The following PTPRF variants were observed in gnomAD, a reference collection of about 807,000 sequenced individuals.
PTPRF encodes the protein protein tyrosine phosphatase receptor type F, also known as receptor-type tyrosine-protein phosphatase F.
In PTPRF, 59 loss-of-function variants were observed where a neutral mutation model predicts 201.8. That is an observed-to-expected ratio of 0.29 (90% CI 0.24 to 0.36). PTPRF has a LOEUF of 0.36. Among genes scored for constraint, PTPRF ranks in the 10% least tolerant of loss-of-function variants. PTPRF has a pLI of 1.00. For missense variants in PTPRF, 2,132 were observed against 2,690.5 expected (o/e 0.79, Z 4.59); for synonymous variants, 1,088 against 1,089.7 (o/e 1.00, Z 0.03).
At chr1:43,608,831 C>T (rs539313039) in intron 21 of PTPRF, among the ~76,000 whole-genome samples, 1 of 152,312 alleles carries the variant, frequency 6.6e-6, no homozygotes, top group African/African-American at 2.4e-5. Flanking sequence ...CAGCTGAATC[C>T]TATGGTCTGT....
chr1:43,598,893 GTCA>G lies in PTPRF; in HGVS notation c.2295_2297del (p.Met766del), dbSNP rs1252793601. On this transcript the variant is annotated inframe_deletion, in exon 13 of 34. Transcript: ENST00000359947. ...CCGTGGACTCCCCATCATCCAAGAC[GTCA>G]TGCTAGCCGAGGCCCAGGTGCAGCA... 13 of 1,613,744 alleles carry G rather than the reference GTCA, an allele frequency of 8.1e-6. No individual in the cohort carries two copies. The highest frequency in any genetic ancestry group is 5.3e-5 in the African/African-American group (4 of 74,926).
At chr1:43,559,589 C>T (rs1645644142) in intron 5 of PTPRF, among the ~76,000 whole-genome samples, 1 of 150,902 alleles carries the variant, frequency 6.6e-6, no homozygotes, top group East Asian at 2.0e-4. Flanking sequence ...GTGCAGCAGG[C>T]GTGTGTGTGT....
At chr1:43,533,490 G>A (rs1018944665) in intron 1 of PTPRF, among the ~76,000 whole-genome samples, 6 of 152,080 alleles carry the variant, frequency 3.9e-5, no homozygotes, top group African/African-American at 1.2e-4. Flanking sequence ...CCCTGGGGGC[G>A]GGGAGGAGGG....
rs907234062 is a variant in PTPRF, at chr1:43,545,041, C to G, written c.-35C>G. 7 of 1,535,860 alleles carry G rather than the reference C, an allele frequency of 4.6e-6. No homozygotes were observed. In the African/African-American group the frequency reaches 9.6e-5, roughly 21 times the overall value. On this transcript the variant is annotated 5_prime_UTR_variant, in exon 3 of 34. Transcript: ENST00000359947. ...TTCTCTCCATTACAGGTTGATTGTC[C>G]TGGGCTGTGGCTGGCTGTGGAGCTA...
rs779513130 is a variant in PTPRF at position 43,620,494 on chromosome 1, G to T, written c.5279G>T (p.Arg1760Leu). ...HQYWPAERSA[R>L]YQYFVVDPMA... ...TACTGGCCAGCAGAGCGCTCTGCTCGCTACCAGTACTTTGTTGTTGACCCG... is the reference window on the plus strand; with the variant it reads ...TACTGGCCAGCAGAGCGCTCTGCTCTCTACCAGTACTTTGTTGTTGACCCG... The change falls in exon 31 of 34, where the codon CGC becomes CTC. Residue 1760 changes from arginine to leucine, a missense_variant. Physicochemically the swap from Arg to Leu is moderately radical, Grantham distance 102. Around this residue, in one of 6 missense-constraint regions of PTPRF, gnomAD observed 519 missense variants for 659.5 expected, o/e 0.79. Coordinates refer to ENST00000359947, the MANE Select transcript of PTPRF (RefSeq NM_002840.5). The T allele has an allele frequency of 6.2e-7, 1 of 1,613,474 alleles. No individual in the cohort carries two copies. Among genetic ancestry groups the T allele is most frequent in the Non-Finnish European group, 8.5e-7 (1 of 1,179,390 alleles).
At chr1:43,564,769 C>T (rs562013227) in intron 5 of PTPRF, among the ~76,000 whole-genome samples, 3 of 152,242 alleles carry the variant, frequency 2.0e-5, no homozygotes, top group South Asian at 2.1e-4. Context: ...TGCACGGAGA[C>T]GCCACGAAGC....
intron 11 of PTPRF, among the ~76,000 whole-genome samples, chr1:43,594,096 G>C (rs1226748424): frequency 1.3e-5 from 2 of 152,176 alleles, no homozygotes; most frequent in Non-Finnish European, 2.9e-5. Flanking sequence ...TGGTCATGCT[G>C]CCAGCCCTGT....
At chr1:43,596,951 G>T (rs949942003) in intron 11 of PTPRF, among the ~76,000 whole-genome samples, 1 of 152,226 alleles carries the variant, frequency 6.6e-6, no homozygotes, top group African/African-American at 2.4e-5. Flanking sequence ...GTGATACTCT[G>T]TGTATATGTG....
At chr1:43,606,566 C>A in intron 20 of PTPRF, 108 bp downstream of exon 20, 1 of 1,189,408 alleles carries the variant, frequency 8.4e-7, no homozygotes, top group Non-Finnish European at 1.2e-6. Context: ...AGTTTGGGGG[C>A]TTCGAGATCC....
In PTPRF at chr1:43,609,426, G is replaced by A. The variant is rs752592428; in HGVS notation, c.3901G>A (p.Gly1301Arg). ...SPSSKDEQSIGLKDSLLAHSS... is the reference protein window; with the variant it reads ...SPSSKDEQSIRLKDSLLAHSS... Reference sequence around the variant, plus strand: ...GTCCTCTAAGGATGAGCAGTCGATCGGACTGAAGGACTCCTTGCTGGCCCA... The same window carrying A: ...GTCCTCTAAGGATGAGCAGTCGATCAGACTGAAGGACTCCTTGCTGGCCCA... The change falls in exon 22 of 34, where the codon GGA becomes AGA. Residue 1301 changes from glycine (G) to arginine (R), a missense_variant. By Grantham distance (125) the Gly-to-Arg change is moderately radical. Coordinates refer to ENST00000359947, the MANE Select transcript of PTPRF (RefSeq NM_002840.5). 28 of 1,613,964 alleles carry A rather than the reference G, an allele frequency of 1.7e-5. No individual in the cohort carries two copies. Among genetic ancestry groups the A allele is most frequent in the Middle Eastern group, 3.3e-4 (2 of 6,084 alleles).
intron 6 of PTPRF, among the ~76,000 whole-genome samples, chr1:43,572,844 TC>T (rs1005527638): frequency 1.3e-5 from 2 of 151,766 alleles, no homozygotes; most frequent in Admixed American, 6.6e-5. Flanking sequence ...GCCTAGGAGC[TC>T]CCCTGTGAGA....
intron 3 of PTPRF, among the ~76,000 whole-genome samples, chr1:43,551,863 C>CA (rs777911566): frequency 7.2e-5 from 11 of 152,112 alleles, no homozygotes; most frequent in Non-Finnish European, 1.3e-4. Flanking sequence ...AAAAGAGGCT[C>CA]AGAGATGGTG....
chr1:43,532,657 A>C (rs548462230), intron 1 of PTPRF: 1 of 158,636 alleles, frequency 6.3e-6, no homozygotes, highest in Non-Finnish European at 1.4e-5. Flanking sequence ...GAGTTCTGAC[A>C]GGCTATCTAA....
chr1:43,587,809 C>T (rs950680615), intron 7 of PTPRF, among the ~76,000 whole-genome samples: 1 of 152,192 alleles, frequency 6.6e-6, no homozygotes, highest in Non-Finnish European at 1.5e-5. Context: ...GGTTTCATCA[C>T]CTCCCTTCCC....
chr1:43,615,153 T>A (rs1467726364), intron 23 of PTPRF, among the ~76,000 whole-genome samples: 1 of 152,144 alleles, frequency 6.6e-6, no homozygotes, highest in East Asian at 1.9e-4. Context: ...GTGGGCCAGG[T>A]TTCTGAAGAG....
In PTPRF at chr1:43,591,261, C is replaced by T. The variant is rs189876952; in HGVS notation, c.1239C>T (p.Pro413=). ...AVRARTGEQA[P]SSPPRRVQAR... ...GGGCACGCACGGGAGAACAGGCGCC[C>T]TCCAGCCCACCGCGCCGCGTGCAGG... Residue 413 remains proline (P), a synonymous_variant, in exon 9 of 34, where the codon CCC becomes CCT. Transcript: ENST00000359947. 7.0e-5 allele frequency: 110 copies of T among 1,573,164 alleles called. No homozygotes were observed. The African/African-American group carries it at 1.4e-3, about 20-fold the overall frequency.
chr1:43,595,220 T>C (rs919841414), intron 11 of PTPRF, among the ~76,000 whole-genome samples: 1 of 152,158 alleles, frequency 6.6e-6, no homozygotes, highest in African/African-American at 2.4e-5. Flanking sequence ...GTTTTGTTTT[T>C]GTTTTTTTGA....
At chr1:43,555,800 A>C (rs1337831253) in intron 5 of PTPRF, among the ~76,000 whole-genome samples, 1 of 152,054 alleles carries the variant, frequency 6.6e-6, no homozygotes, top group East Asian at 1.9e-4. Flanking sequence ...ACCCTAATTT[A>C]TTTAGCCATT....
chr1:43,591,991 C>T (rs759457247), intron 10 of PTPRF, 43 bp downstream of exon 10: 6 of 1,608,470 alleles, frequency 3.7e-6, no homozygotes, highest in Admixed American at 1.7e-5. Flanking sequence ...CTCCTGGTCC[C>T]TGAGGGTCTG....
Sources: allele counts gnomAD v4.1 joint callset (sites outside exome capture counted in the v4.1 genomes callset), GRCh38; gene constraint gnomAD v4.1.1; regional missense constraint gnomAD v4.1.1; transcripts MANE v1.5; gene names NCBI Gene and HGNC (gene_info 2026-07-23, HGNC 2026-07-21).